Variants in RFX3 observed in about 807,000 individuals in gnomAD.
The protein encoded by RFX3 is transcription factor RFX3.
RFX3 carries 14 observed loss-of-function variants against 98.6 expected under a neutral mutation model. That is an observed-to-expected ratio of 0.14 (90% CI 0.09 to 0.22). The LOEUF (loss-of-function observed/expected upper bound fraction) is 0.22, where lower values mean the gene tolerates loss of function less well. Among genes scored for constraint, RFX3 ranks in the 10% least tolerant of loss-of-function variants. RFX3 has a pLI of 1.00. For synonymous variants in RFX3, 383 were observed against 328.4 expected (o/e 1.17, Z -1.80); for missense variants, 639 against 926.9 (o/e 0.69, Z 4.03).
At chr9:3,346,324 C>T (rs977256092) in intron 3 of RFX3, among the ~76,000 whole-genome samples, 8 of 151,760 alleles carry the variant, frequency 5.3e-5, no homozygotes, top group Non-Finnish European at 1.2e-4. Flanking sequence ...AAATTGACCT[C>T]GTATAATAAA....
chr9:3,512,089 A>G (rs1042115328), intron 1 of RFX3, among the ~76,000 whole-genome samples: 10 of 152,082 alleles, frequency 6.6e-5, no homozygotes, highest in Middle Eastern at 6.8e-3. Flanking sequence ...TACCCATAAA[A>G]ACAAAAATAA....
At chr9:3,343,892 T>A (rs1834161880) in intron 3 of RFX3, among the ~76,000 whole-genome samples, 2 of 152,240 alleles carry the variant, frequency 1.3e-5, no homozygotes, top group African/African-American at 4.8e-5. Context: ...TCATTAGTCA[T>A]GATCTAACCA....
rs561023071 is a variant in RFX3, at chr9:3,400,302, T to C, written c.-8-4706A>G. ...ATAGGAGGAATCTTATAGAATAGAG[T>C]AGGGGAAATAAGATAGGTAAAAAAC... is the stretch of plus-strand genomic sequence containing the variant. On this transcript the variant is annotated intron_variant, in intron 1 of 16. Transcript: ENST00000617270. The C allele has an allele frequency of 4.4e-5, 25 of 567,918 alleles. No individual in the cohort carries two copies. In the African/African-American group the frequency reaches 5.1e-4, roughly 12 times the overall value. The allele number at this position is 567,918 out of a possible 1,614,324, so 35.2% of individuals were successfully genotyped here.
chr9:3,227,951 G>C (rs1817982642), intron 16 of RFX3, among the ~76,000 whole-genome samples: 1 of 152,072 alleles, frequency 6.6e-6, no homozygotes, highest in Non-Finnish European at 1.5e-5. Context: ...ATTTTGCCCA[G>C]TGGCTCTGGC....
chr9:3,429,025 C>G (rs1356145909), intron 1 of RFX3, among the ~76,000 whole-genome samples: 1 of 139,092 alleles, frequency 7.2e-6, no homozygotes, highest in East Asian at 2.1e-4. Context: ...TTTAGTTACT[C>G]TTTTTTTTTT....
intron 4 of RFX3, among the ~76,000 whole-genome samples, chr9:3,314,502 G>A (rs1005274251): frequency 6.6e-6 from 1 of 152,124 alleles, no homozygotes; most frequent in African/African-American, 2.4e-5. Context: ...ATAATGACAG[G>A]ATCAAATTCA....
At chr9:3,314,037 C>T (rs1000172397) in intron 4 of RFX3, among the ~76,000 whole-genome samples, 6 of 152,162 alleles carry the variant, frequency 3.9e-5, no homozygotes, top group African/African-American at 1.4e-4. Context: ...CAAAGATACT[C>T]CTCGAGAAGA....
intron 15 of RFX3, among the ~76,000 whole-genome samples, chr9:3,241,381 A>T (rs1314035169): frequency 6.6e-6 from 1 of 152,172 alleles, no homozygotes; most frequent in Non-Finnish European, 1.5e-5. Context: ...AGTTATAAGC[A>T]AATTTTCTCC....
intron 2 of RFX3, among the ~76,000 whole-genome samples, chr9:3,350,640 G>A (rs1834997101): frequency 6.6e-6 from 1 of 152,136 alleles, no homozygotes; most frequent in Non-Finnish European, 1.5e-5. Context: ...ATTCATAATT[G>A]CTAGAACTTG....
At chr9:3,374,302 GA>G (rs1283157842) in intron 2 of RFX3, among the ~76,000 whole-genome samples, 7 of 152,154 alleles carry the variant, frequency 4.6e-5, no homozygotes, top group Admixed American at 4.6e-4. Context: ...ATTATCATAT[GA>G]TCCAGCAATT....
At chr9:3,242,405 G>GT (rs1307585306) in intron 15 of RFX3, among the ~76,000 whole-genome samples, 1,462 of 146,158 alleles carry the variant, frequency 0.01, 22 homozygotes, top group African/African-American at 0.032. Flanking sequence ...TTCCATGATT[G>GT]TTTTTTTTTT....
intron 4 of RFX3, among the ~76,000 whole-genome samples, chr9:3,325,341 C>T (rs1368312312): frequency 6.6e-6 from 1 of 151,896 alleles, no homozygotes; most frequent in East Asian, 1.9e-4. Context: ...TAAACTAGGC[C>T]AAACTTTTAC....
At position 3,395,488 on chromosome 9, in the gene RFX3, A is replaced by G; in HGVS notation, c.101T>C (p.Val34Ala). The G allele has an allele frequency of 6.2e-7, 1 of 1,614,178 alleles. No individual in the cohort carries two copies. Among genetic ancestry groups the G allele is most frequent in the South Asian group, 1.1e-5 (1 of 91,082 alleles). Residue 34 changes from valine (V) to alanine (A), a missense_variant, in exon 2 of 17, where the codon GTA becomes GCA. Physicochemically the swap from Val to Ala is moderately conservative, Grantham distance 64. Coordinates refer to ENST00000617270, the MANE Select transcript of RFX3 (RefSeq NM_001282116.2). The stretch of plus-strand genomic sequence containing the variant: ...GCTCCTTACCTGTTGTTGTACTGGT[A>G]CTTGCTGTACCACCTGCGTAGGCAC... ...AAVPTQVVQQ[V>A]PVQQQVQQVQ... is the part of the protein sequence containing the mutation.
At chr9:3,288,036 T>C in intron 7 of RFX3, 95 bp downstream of exon 7, 6 of 1,146,278 alleles carry the variant, frequency 5.2e-6, no homozygotes, top group East Asian at 2.4e-5. Context: ...AATAAGAACG[T>C]TCTTTTATAC....
intron 1 of RFX3, among the ~76,000 whole-genome samples, chr9:3,411,184 A>G (rs1389574208): frequency 6.6e-6 from 1 of 152,210 alleles, no homozygotes. Flanking sequence ...GGTTATTTGC[A>G]TATGAAAATT....
chr9:3,330,938 A>G (rs1832526923), intron 3 of RFX3, among the ~76,000 whole-genome samples: 1 of 152,230 alleles, frequency 6.6e-6, no homozygotes, highest in Non-Finnish European at 1.5e-5. Context: ...TACTCAGACT[A>G]CTTAACATTC....
At position 3,403,770 on chromosome 9, in the gene RFX3, G is replaced by T. The variant is rs539851218; in HGVS notation, c.-8-8174C>A. 8.5e-5 allele frequency among the ~76,000 whole-genome samples: 13 copies of T among 152,278 alleles called. No individual in the cohort carries two copies. The South Asian group carries it at 2.5e-3, about 29-fold the overall frequency. Reference sequence around the variant, plus strand: ...CAGGAGCAAAGGGAGGCAAAGATTGGCTTAAAAGGCAGCATTATTTACAGA... The same window carrying T: ...CAGGAGCAAAGGGAGGCAAAGATTGTCTTAAAAGGCAGCATTATTTACAGA... On this transcript the variant is annotated intron_variant, in intron 1 of 16. Coordinates refer to ENST00000617270, the MANE Select transcript of RFX3 (RefSeq NM_001282116.2).
intron 3 of RFX3, among the ~76,000 whole-genome samples, chr9:3,345,525 T>C (rs916853143): frequency 1.3e-5 from 2 of 152,180 alleles, no homozygotes; most frequent in African/African-American, 2.4e-5. Flanking sequence ...TCCAGTTTTG[T>C]ATCATCTATT....
At chr9:3,239,965 CA>C (rs1300462438) in intron 15 of RFX3, among the ~76,000 whole-genome samples, 2 of 152,126 alleles carry the variant, frequency 1.3e-5, no homozygotes, top group Non-Finnish European at 2.9e-5. Context: ...AAGAGACAGC[CA>C]AAAAGGGGCA....
Sources: gnomAD v4.1 joint callset for allele counts (sites outside exome capture counted in the v4.1 genomes callset) on GRCh38, gnomAD v4.1.1 for gene constraint, MANE v1.5 for transcripts, NCBI Gene and HGNC (gene_info 2026-07-23, HGNC 2026-07-21) for gene names.